Variants in TACR3 observed in about 807,000 individuals in gnomAD.
TACR3 encodes the protein tachykinin receptor 3.
Under a neutral mutation model 35.0 loss-of-function variants are expected in TACR3, and 34 were observed. That is an observed-to-expected ratio of 0.97 (90% CI 0.74 to 1.30). The LOEUF (loss-of-function observed/expected upper bound fraction) is 1.30. Ranked by LOEUF, TACR3 falls within the 50% of genes most tolerant of loss-of-function variation. The pLI, the probability that TACR3 is intolerant of heterozygous loss-of-function variation, is 0.00. For missense variants in TACR3, 558 were observed against 591.7 expected, an observed-to-expected ratio of 0.94 and a Z score of 0.59; for synonymous variants, 233 against 221.1, an observed-to-expected ratio of 1.05 and a Z score of -0.48.
intron 1 of TACR3, among the ~76,000 whole-genome samples, chr4:103,686,018 T>C (rs78881173): frequency 0.022 from 3,369 of 152,274 alleles, 51 homozygotes; most frequent in Middle Eastern, 0.058. Context: ...CTCATCTCAG[T>C]TGTTAAAACA....
chr4:103,655,694 G>T (rs1407826957), intron 3 of TACR3, among the ~76,000 whole-genome samples: 1 of 150,440 alleles, frequency 6.6e-6, no homozygotes, highest in Non-Finnish European at 1.5e-5. Context: ...TGTCTTATCA[G>T]GGGAAAGAAC....
At chr4:103,674,855 G>A (rs1371585280) in intron 1 of TACR3, among the ~76,000 whole-genome samples, 1 of 152,054 alleles carries the variant, frequency 6.6e-6, no homozygotes, top group Non-Finnish European at 1.5e-5. Flanking sequence ...CGGCCTACAT[G>A]TTTTAATTGG....
At chr4:103,649,656 T>G (rs1046783518) in intron 3 of TACR3, among the ~76,000 whole-genome samples, 2 of 152,156 alleles carry the variant, frequency 1.3e-5, no homozygotes, top group Non-Finnish European at 2.9e-5. Context: ...ATATAAATTG[T>G]ATTTTTCAAC....
chr4:103,650,674 ATATTATATCATAT>A lies in TACR3; in HGVS notation c.888+5507_888+5519del, dbSNP rs1560821955. On this transcript the variant is annotated intron_variant, in intron 3 of 4. Coordinates refer to ENST00000304883, the MANE Select transcript of TACR3 (RefSeq NM_001059.3). Reference sequence around the variant, plus strand: ...TATATAAATATATATAAATAAATATATATTATATCATATATAATATATATTTATATATATAAAT... The same window carrying A: ...TATATAAATATATATAAATAAATATAATAATATATATTTATATATATAAAT... Among the ~76,000 whole-genome samples, 3 of 13,220 alleles carry A rather than the reference ATATTATATCATAT, an allele frequency of 2.3e-4. 1 individual carries two copies. The highest frequency in any genetic ancestry group is 3.3e-4 in the Non-Finnish European group (3 of 9,114). The allele number at this position is 13,220 out of a possible 152,430, so 8.7% of individuals were successfully genotyped here. A position where few individuals can be genotyped will look rare whatever the true frequency, so the allele number is the denominator to read the frequency against.
chr4:103,689,559 C>T (rs1722352355), intron 1 of TACR3, among the ~76,000 whole-genome samples: 1 of 151,852 alleles, frequency 6.6e-6, no homozygotes, highest in Non-Finnish European at 1.5e-5. Context: ...AACAATAAAA[C>T]CTCTAAATAT....
At chr4:103,685,806 G>T (rs1045139955) in intron 1 of TACR3, among the ~76,000 whole-genome samples, 1 of 152,100 alleles carries the variant, frequency 6.6e-6, no homozygotes, top group African/African-American at 2.4e-5. Context: ...TTCATTAAGG[G>T]TAGTTAATCT....
chr4:103,639,429 C>T (rs1725293978), intron 3 of TACR3, among the ~76,000 whole-genome samples: 2 of 151,560 alleles, frequency 1.3e-5, no homozygotes, highest in South Asian at 4.2e-4. Flanking sequence ...CATCACACAC[C>T]AGGGACTGTT....
intron 1 of TACR3, among the ~76,000 whole-genome samples, chr4:103,661,062 G>A (rs1003920259): frequency 6.6e-6 from 1 of 152,024 alleles, no homozygotes; most frequent in East Asian, 1.9e-4. Flanking sequence ...AGCCAGTTTT[G>A]CCAGTCTTCA....
rs765420630 is a variant in TACR3 at position 103,586,746 on chromosome 4, T to C, written c.*2936A>G. 3.3e-5 allele frequency: 5 copies of C among 151,538 alleles called. No individual in the cohort carries two copies. Among genetic ancestry groups the C allele is most frequent in the Non-Finnish European group, 7.4e-5 (5 of 68,020 alleles). 9.4% of individuals were successfully genotyped at this position (151,538 alleles called of 1,614,324 possible). ...AAGATGGAATAATGCAACAGTGTGC[T>C]GTACTTGGTAAAAAATAAAAAAGTG... On this transcript the variant is annotated 3_prime_UTR_variant, in exon 5 of 5. Coordinates refer to ENST00000304883, the MANE Select transcript of TACR3 (RefSeq NM_001059.3).
chr4:103,628,213 C>T (rs890301360), intron 3 of TACR3, among the ~76,000 whole-genome samples: 22 of 152,140 alleles, frequency 1.4e-4, no homozygotes, highest in Admixed American at 5.2e-4. Flanking sequence ...AAAATCAACA[C>T]CCTAACATTA....
At chr4:103,691,942 G>A (rs997258280) in intron 1 of TACR3, among the ~76,000 whole-genome samples, 5 of 152,072 alleles carry the variant, frequency 3.3e-5, no homozygotes, top group Admixed American at 1.3e-4. Flanking sequence ...AAATATGTGC[G>A]TAAATCTCTG....
At chr4:103,616,436 A>G (rs558312621) in intron 3 of TACR3, among the ~76,000 whole-genome samples, 2 of 152,316 alleles carry the variant, frequency 1.3e-5, no homozygotes, top group Non-Finnish European at 2.9e-5. Context: ...AGACACACAC[A>G]TATACATTAT....
intron 1 of TACR3, among the ~76,000 whole-genome samples, chr4:103,677,468 C>T (rs1726194913): frequency 6.6e-6 from 1 of 152,062 alleles, no homozygotes; most frequent in African/African-American, 2.4e-5. Context: ...TAATGCCCAT[C>T]AGCAATAGAC....
intron 3 of TACR3, among the ~76,000 whole-genome samples, chr4:103,621,234 C>A (rs910860513): frequency 6.6e-6 from 1 of 152,052 alleles, no homozygotes; most frequent in Admixed American, 6.6e-5. Context: ...GTCTTCTGAT[C>A]ACAGAAAATA....
chr4:103,690,259 A>G (rs991910097), intron 1 of TACR3, among the ~76,000 whole-genome samples: 1 of 152,166 alleles, frequency 6.6e-6, no homozygotes, highest in African/African-American at 2.4e-5. Flanking sequence ...CTCCAAATAC[A>G]CAAGTATGTG....
intron 3 of TACR3, among the ~76,000 whole-genome samples, chr4:103,616,285 G>T (rs531732601): frequency 7.1e-6 from 1 of 140,766 alleles, no homozygotes; most frequent in African/African-American, 2.8e-5. Context: ...CCCAATAATG[G>T]CAGAGTACAT....
intron 3 of TACR3, among the ~76,000 whole-genome samples, chr4:103,632,374 G>A (rs1043317157): frequency 2.0e-5 from 3 of 152,138 alleles, no homozygotes; most frequent in East Asian, 3.9e-4. Context: ...ATGAGATCAT[G>A]TCCTTTGCAG....
chr4:103,600,699 G>C (rs1215757533), intron 3 of TACR3, among the ~76,000 whole-genome samples: 2 of 152,100 alleles, frequency 1.3e-5, no homozygotes, highest in Non-Finnish European at 2.9e-5. Flanking sequence ...CTTTATTTCT[G>C]CCTTCATTTC....
In TACR3 at chr4:103,643,890, T is replaced by A. The variant is rs1194626785; in HGVS notation, c.888+12304A>T. Among the ~76,000 whole-genome samples, 3 of 151,762 alleles carry A rather than the reference T, an allele frequency of 2.0e-5. No homozygotes were observed. The East Asian group carries it at 5.8e-4, about 29-fold the overall frequency. On this transcript the variant is annotated intron_variant, in intron 3 of 4. Transcript: ENST00000304883. ...ATTTGTACTTGCAGAATGAGTAGTATTAACAGATAACCCATAGAGAACCTT... is the reference window on the plus strand; with the variant it reads ...ATTTGTACTTGCAGAATGAGTAGTAATAACAGATAACCCATAGAGAACCTT...
Sources: allele counts gnomAD v4.1 joint callset (sites outside exome capture counted in the v4.1 genomes callset), GRCh38; gene constraint gnomAD v4.1.1; transcripts MANE v1.5; gene names NCBI Gene and HGNC (gene_info 2026-07-23, HGNC 2026-07-21).